The following SHISA9 variants were observed in gnomAD, a reference collection of about 807,000 sequenced individuals.
SHISA9 encodes the protein protein shisa-9.
In SHISA9, 13 loss-of-function variants were observed where a neutral mutation model predicts 38.0. The ratio of observed to expected loss-of-function variants is 0.34; its 90% CI spans 0.22 to 0.54. The LOEUF (loss-of-function observed/expected upper bound fraction) is 0.54, where lower values mean the gene tolerates loss of function less well. Among genes scored for constraint, SHISA9 ranks in the 20% least tolerant of loss-of-function variants. SHISA9 has a pLI of 0.91. For synonymous variants in SHISA9, 275 were observed against 242.0 expected, an observed-to-expected ratio of 1.14 and a Z score of -1.27; for missense variants, 538 against 575.8, an observed-to-expected ratio of 0.93 and a Z score of 0.67.
intron 2 of SHISA9, among the ~76,000 whole-genome samples, chr16:13,127,915 C>G (rs2050275134): frequency 6.6e-6 from 1 of 152,184 alleles, no homozygotes; most frequent in Non-Finnish European, 1.5e-5. Flanking sequence ...GCTTCTGATG[C>G]TGACCTCTTA....
intron 2 of SHISA9, among the ~76,000 whole-genome samples, chr16:13,109,907 G>A (rs374654731): frequency 1.3e-5 from 2 of 152,244 alleles, no homozygotes; most frequent in East Asian, 1.9e-4. Context: ...ACACATTGGC[G>A]AACATTGGAG....
At chr16:13,250,838 G>T in the SHISA9 span, among the ~76,000 whole-genome samples, 1 of 152,092 alleles carries the variant, frequency 6.6e-6, no homozygotes. Flanking sequence ...AACCCTAATG[G>T]CTTGTATAAT....
intron 2 of SHISA9, among the ~76,000 whole-genome samples, chr16:13,171,506 CAAGG>C (rs1243766661): frequency 6.6e-6 from 1 of 151,706 alleles, no homozygotes; most frequent in Non-Finnish European, 1.5e-5. Flanking sequence ...GGGCGGGAGT[CAAGG>C]AAGCCCTTTC....
intron 2 of SHISA9, among the ~76,000 whole-genome samples, chr16:13,013,828 C>T (rs903876327): frequency 2.6e-5 from 4 of 152,048 alleles, no homozygotes; most frequent in African/African-American, 7.2e-5. Context: ...CCCGGGTTCA[C>T]GCCATTCTCC....
At chr16:13,322,000 CA>C in the SHISA9 span, among the ~76,000 whole-genome samples, 14 of 152,322 alleles carry the variant, frequency 9.2e-5, no homozygotes, top group African/African-American at 2.9e-4. Context: ...CACTAAACGA[CA>C]CAATAAAATT....
chr16:13,175,432 A>G (rs984267298), intron 2 of SHISA9, among the ~76,000 whole-genome samples: 2 of 152,164 alleles, frequency 1.3e-5, no homozygotes, highest in Non-Finnish European at 2.9e-5. Context: ...TATGTTCCAG[A>G]GATGCTATAA....
chr16:13,137,249 G>A (rs993995188), intron 2 of SHISA9, among the ~76,000 whole-genome samples: 1 of 152,146 alleles, frequency 6.6e-6, no homozygotes, highest in Non-Finnish European at 1.5e-5. Flanking sequence ...AATAGATGCT[G>A]TTGTGTGGGG....
At chr16:13,447,424 C>T in the SHISA9 span, among the ~76,000 whole-genome samples, 23 of 152,298 alleles carry the variant, frequency 1.5e-4, no homozygotes, top group African/African-American at 5.5e-4. Context: ...AAAGGCTGGT[C>T]ACATGTTGGC....
the SHISA9 span, among the ~76,000 whole-genome samples, chr16:13,330,886 T>G: frequency 8.1e-4 from 123 of 152,256 alleles, no homozygotes; most frequent in African/African-American, 2.8e-3. Flanking sequence ...GGAACTCTAA[T>G]GTATCACTGT....
At chr16:12,951,484 C>T (rs2071756715) in intron 2 of SHISA9, among the ~76,000 whole-genome samples, 1 of 152,104 alleles carries the variant, frequency 6.6e-6, no homozygotes, top group Non-Finnish European at 1.5e-5. Context: ...TACAAATAGG[C>T]ATGGCTGTGT....
chr16:13,405,262 A>C, the SHISA9 span, among the ~76,000 whole-genome samples: 1 of 152,234 alleles, frequency 6.6e-6, no homozygotes, highest in Non-Finnish European at 1.5e-5. Flanking sequence ...ACCCAGTCCT[A>C]GTGAAAGGAA....
chr16:13,510,844 C>G, the SHISA9 span, among the ~76,000 whole-genome samples: 1 of 151,926 alleles, frequency 6.6e-6, no homozygotes, highest in Non-Finnish European at 1.5e-5. Context: ...TCTCTGCAAT[C>G]AAGGACCCTT....
At chr16:13,243,007 G>A (rs771281011), downstream of SHISA9, among the ~76,000 whole-genome samples, 4 of 152,228 alleles carry the variant, frequency 2.6e-5, no homozygotes, top group East Asian at 1.9e-4. Flanking sequence ...TTGGGAGGCC[G>A]AGAAGGGCAG....
At chr16:13,124,098 C>T (rs2050236726) in intron 2 of SHISA9, among the ~76,000 whole-genome samples, 2 of 152,148 alleles carry the variant, frequency 1.3e-5, no homozygotes, top group Admixed American at 1.3e-4. Flanking sequence ...CTCTAATGCC[C>T]CCTTCCCATG....
At chr16:13,493,864 A>G in the SHISA9 span, among the ~76,000 whole-genome samples, 9 of 152,170 alleles carry the variant, frequency 5.9e-5, no homozygotes, top group Non-Finnish European at 1.2e-4. Context: ...CAATACATAC[A>G]TTACACCAGG....
chr16:13,493,281 TA>T, the SHISA9 span, among the ~76,000 whole-genome samples: 145 of 152,320 alleles, frequency 9.5e-4, 4 homozygotes, highest in East Asian at 0.026. Context: ...ACAAAGCTAT[TA>T]CAGATTTCTG....
intron 2 of SHISA9, among the ~76,000 whole-genome samples, chr16:13,036,924 T>C (rs778436983): frequency 4.6e-5 from 7 of 152,136 alleles, no homozygotes; most frequent in African/African-American, 7.2e-5. Flanking sequence ...TAAAGCCCTA[T>C]TTATATGAAT....
At chr16:12,926,887 C>G (rs1236504921) in intron 2 of SHISA9, among the ~76,000 whole-genome samples, 1 of 152,138 alleles carries the variant, frequency 6.6e-6, no homozygotes, top group Non-Finnish European at 1.5e-5. Flanking sequence ...TCTTGCAGGT[C>G]TGATTAATTT....
chr16:13,153,268 C>T (rs777933569), intron 2 of SHISA9, among the ~76,000 whole-genome samples: 2 of 151,476 alleles, frequency 1.3e-5, no homozygotes, highest in Non-Finnish European at 2.9e-5. Flanking sequence ...TAGAGCTCAA[C>T]CAGAAAAAAA....
Sources: allele counts gnomAD v4.1 joint callset (sites outside exome capture counted in the v4.1 genomes callset), GRCh38; gene constraint gnomAD v4.1.1; transcripts MANE v1.5; gene names NCBI Gene and HGNC (gene_info 2026-07-23, HGNC 2026-07-21).